TFB1M: variants seen among roughly 807,000 people sequenced by gnomAD.
TFB1M encodes dimethyladenosine transferase 1, mitochondrial.
TFB1M carries 27 observed loss-of-function variants against 31.1 expected under a neutral mutation model. The ratio of observed to expected loss-of-function variants is 0.87; its 90% CI spans 0.64 to 1.20. The LOEUF (loss-of-function observed/expected upper bound fraction) is 1.20. Ranked by LOEUF, TFB1M falls within the 50% of genes most tolerant of loss-of-function variation. The pLI is 0.00. For synonymous variants in TFB1M, 166 were observed against 151.8 expected (o/e 1.09, Z -0.69); for missense variants, 394 against 418.7 (o/e 0.94, Z 0.51).
chr6:155,242,647 G>A, the TFB1M span, among the ~76,000 whole-genome samples: 7 of 152,326 alleles, frequency 4.6e-5, no homozygotes, highest in East Asian at 1.4e-3. Context: ...GCAGTCAACT[G>A]CTTCTAGTAT....
At position 155,257,189 on chromosome 6, in the gene TFB1M, GCAAA is replaced by G; in HGVS notation, c.*643_*646del. 26 of 535,348 alleles carry G rather than the reference GCAAA, an allele frequency of 4.9e-5. No homozygotes were observed. Among genetic ancestry groups the G allele is most frequent in the Middle Eastern group, 5.8e-4 (1 of 1,724 alleles). 33.2% of individuals were successfully genotyped at this position (535,348 alleles called of 1,614,324 possible). On this transcript the variant is annotated 3_prime_UTR_variant, in exon 7 of 7. Coordinates refer to ENST00000367166, the MANE Select transcript of TFB1M (RefSeq NM_016020.4). ...TTAAACTGGTGGTAAAGTGGAAATT[GCAAA>G]AAAAAAAAAAAAAAAAAACTGTTCA...
At chr6:155,276,472 C>A (rs1431798167) in intron 5 of TFB1M, 2 of 1,146,278 alleles carry the variant, frequency 1.7e-6, no homozygotes, top group African/African-American at 1.6e-5. Context: ...ACTTTCCCTA[C>A]AAAGAAAGTA....
chr6:155,286,148 G>A (rs1776616481), intron 4 of TFB1M, among the ~76,000 whole-genome samples: 1 of 152,110 alleles, frequency 6.6e-6, no homozygotes, highest in South Asian at 2.1e-4. Context: ...AACAGAAAAG[G>A]AAGGATCATT....
chr6:155,258,218 T>C (rs1267287768), intron 6 of TFB1M, 136 bp from the exon 7 acceptor site: 3 of 1,092,218 alleles, frequency 2.7e-6, no homozygotes, highest in Non-Finnish European at 4.0e-6. Flanking sequence ...GGCAGGAGCC[T>C]CTTGGATTAT....
chr6:155,272,710 T>G (rs888024897), intron 5 of TFB1M, among the ~76,000 whole-genome samples: 1 of 152,088 alleles, frequency 6.6e-6, no homozygotes, highest in Admixed American at 6.6e-5. Context: ...TCTACATAAG[T>G]TCTCTATGCA....
downstream of TFB1M, chr6:155,254,289 C>A: frequency 8.1e-7 from 1 of 1,238,128 alleles, no homozygotes; most frequent in Non-Finnish European, 1.1e-6. Flanking sequence ...GGCCACATGG[C>A]ACTGCTGCTG....
intron 2 of TFB1M, among the ~76,000 whole-genome samples, chr6:155,304,629 T>G (rs1777583979): frequency 6.6e-6 from 1 of 151,864 alleles, no homozygotes; most frequent in Non-Finnish European, 1.5e-5. Context: ...GTAGAAAGTA[T>G]CAAAAGCAGC....
chr6:155,306,248 G>C (rs1403472189), intron 2 of TFB1M, among the ~76,000 whole-genome samples: 1 of 152,100 alleles, frequency 6.6e-6, no homozygotes, highest in Admixed American at 6.6e-5. Flanking sequence ...AATACAGCTG[G>C]TGGGAATGTA....
At chr6:155,314,127 T>A (rs900573753) in intron 1 of TFB1M, 169 bp downstream of exon 1, 3 of 1,495,792 alleles carry the variant, frequency 2.0e-6, no homozygotes, top group Admixed American at 2.1e-5. Flanking sequence ...TTCACGTGTC[T>A]CCTGGGCGGT....
chr6:155,297,676 C>T (rs961586443), intron 3 of TFB1M, among the ~76,000 whole-genome samples: 8 of 152,108 alleles, frequency 5.3e-5, no homozygotes, highest in East Asian at 1.9e-4. Context: ...ACAGGAGGGG[C>T]TGGTATCAGG....
the TFB1M span, among the ~76,000 whole-genome samples, chr6:155,236,313 C>A: frequency 1.3e-5 from 2 of 151,872 alleles, no homozygotes; most frequent in African/African-American, 2.4e-5. Context: ...GAAGAGTAGA[C>A]CAGCAGTTCT....
In TFB1M at chr6:155,297,102, G is replaced by A; in HGVS notation, c.397C>T (p.Pro133Ser). The A allele has an allele frequency of 1.2e-6, 2 of 1,613,244 alleles. No homozygotes were observed. The highest frequency in any genetic ancestry group is 1.7e-6 in the Non-Finnish European group (2 of 1,179,892). ...ESLKRPWEDDPPNVHIIGNLP... is the reference protein window; with the variant it reads ...ESLKRPWEDDSPNVHIIGNLP... Reference sequence around the variant, plus strand: ...TTTCCAATAATATGTACATTTGGAGGATCTGGTGGCAGAGGAAAAAACAAC... The same window carrying A: ...TTTCCAATAATATGTACATTTGGAGAATCTGGTGGCAGAGGAAAAAACAAC... Residue 133 changes from proline (P) to serine (S), a missense_variant and splice_region_variant, in exon 4 of 7, where the codon CCT (proline) becomes TCT (serine). Transcript: ENST00000367166.
At chr6:155,273,047 TGAA>T (rs569055618) in intron 5 of TFB1M, among the ~76,000 whole-genome samples, 1 of 152,268 alleles carries the variant, frequency 6.6e-6, no homozygotes, top group South Asian at 2.1e-4. Context: ...ACCCCACACT[TGAA>T]GAATCCCTAA....
At chr6:155,235,663 C>G in the TFB1M span, among the ~76,000 whole-genome samples, 2 of 152,086 alleles carry the variant, frequency 1.3e-5, no homozygotes. Flanking sequence ...CACCAACTCC[C>G]TTAGACAACA....
the TFB1M span, among the ~76,000 whole-genome samples, chr6:155,230,080 C>T: frequency 8.5e-5 from 13 of 152,144 alleles, no homozygotes; most frequent in South Asian, 1.3e-3. Context: ...CCTGTACCAC[C>T]GAGAGTACAA....
chr6:155,289,785 A>G (rs998563532), intron 4 of TFB1M, among the ~76,000 whole-genome samples: 3 of 152,238 alleles, frequency 2.0e-5, no homozygotes, highest in South Asian at 2.1e-4. Flanking sequence ...GTAATCCCCA[A>G]TGTTGGAGGA....
intron 4 of TFB1M, 134 bp downstream of exon 4, chr6:155,296,819 A>AGCT (rs1777197795): frequency 2.4e-6 from 2 of 834,002 alleles, no homozygotes; most frequent in Admixed American, 2.2e-5. Flanking sequence ...CTTTTGGCTG[A>AGCT]GCTGCTGCTG....
intron 4 of TFB1M, among the ~76,000 whole-genome samples, chr6:155,291,819 A>T (rs1776939910): frequency 6.6e-6 from 1 of 152,192 alleles, no homozygotes; most frequent in Non-Finnish European, 1.5e-5. Context: ...TGATTCCCCT[A>T]AACAGAAACA....
At chr6:155,265,692 TTAAATA>T (rs1784597063) in intron 5 of TFB1M, among the ~76,000 whole-genome samples, 2 of 146,522 alleles carry the variant, frequency 1.4e-5, no homozygotes, top group South Asian at 4.2e-4. Context: ...TATGAGTTTA[TTAAATA>T]TAAATATTAA....
Sources: allele counts gnomAD v4.1 joint callset (sites outside exome capture counted in the v4.1 genomes callset), GRCh38; gene constraint gnomAD v4.1.1; transcripts MANE v1.5; gene names NCBI Gene and HGNC (gene_info 2026-07-23, HGNC 2026-07-21).